NRG1: variants seen among roughly 807,000 people sequenced by gnomAD.
The protein encoded by NRG1 is pro-neuregulin-1, membrane-bound isoform.
Under a neutral mutation model 63.8 loss-of-function variants are expected in NRG1, and 18 were observed. That is an observed-to-expected ratio of 0.28 (90% confidence interval 0.19 to 0.42). The LOEUF is 0.42. Ranked by LOEUF, NRG1 falls within the 10% of genes least tolerant of loss-of-function variation. The pLI is 1.00. For synonymous variants in NRG1, 302 were observed against 301.3 expected (o/e 1.00, Z -0.02); for missense variants, 762 against 814.7 (o/e 0.94, Z 0.79).
At chr8:31,883,181 G>T (rs755088387) in intron 1 of NRG1, among the ~76,000 whole-genome samples, 3 of 152,100 alleles carry the variant, frequency 2.0e-5, no homozygotes, top group Non-Finnish European at 4.4e-5. Context: ...TGATCAGTCA[G>T]CAGCCATCAA....
chr8:31,859,712 T>C (rs1828291676), intron 1 of NRG1, among the ~76,000 whole-genome samples: 1 of 152,212 alleles, frequency 6.6e-6, no homozygotes. Flanking sequence ...AAAAGCAAAG[T>C]GGTTCCTTAT....
chr8:32,579,914 T>C (rs1840340749), intron 1 of NRG1, among the ~76,000 whole-genome samples: 1 of 152,188 alleles, frequency 6.6e-6, no homozygotes, highest in Non-Finnish European at 1.5e-5. Context: ...TTTCGGCTTC[T>C]AGAGGGGCTT....
At chr8:32,580,595 G>A (rs1437971762) in intron 1 of NRG1, among the ~76,000 whole-genome samples, 1 of 152,092 alleles carries the variant, frequency 6.6e-6, no homozygotes, top group Non-Finnish European at 1.5e-5. Flanking sequence ...TGTAAAATGA[G>A]GCTTAGAGAA....
intron 1 of NRG1, among the ~76,000 whole-genome samples, chr8:32,340,559 A>G (rs536918332): frequency 6.6e-6 from 1 of 152,336 alleles, no homozygotes; most frequent in South Asian, 2.1e-4. Context: ...AAAGGAATTT[A>G]TACATACCAT....
chr8:31,853,738 G>A (rs1200636346), intron 1 of NRG1, among the ~76,000 whole-genome samples: 1 of 151,538 alleles, frequency 6.6e-6, no homozygotes, highest in Non-Finnish European at 1.5e-5. Context: ...GTATGATATT[G>A]GCTGTGGGTT....
Position 32,646,171 on chromosome 8 carries a change from T to C in NRG1, c.502+29286T>C, listed in dbSNP as rs1487753326. Among the ~76,000 whole-genome samples, 10 of 152,094 alleles carry C rather than the reference T, an allele frequency of 6.6e-5. 1 individual carries two copies. The East Asian group carries it at 1.4e-3, about 21-fold the overall frequency. On this transcript the variant is annotated intron_variant, in intron 5 of 11. Coordinates refer to ENST00000356819, the Ensembl canonical transcript of NRG1. The stretch of plus-strand genomic sequence containing the variant: ...CATTATTAGTCTTCTTTGGGTGAGA[T>C]AGAATAAATGGAAATTCAAAGGGGA...
chr8:32,053,119 T>A (rs1422967830), intron 1 of NRG1, among the ~76,000 whole-genome samples: 1 of 152,278 alleles, frequency 6.6e-6, no homozygotes, highest in East Asian at 1.9e-4. Flanking sequence ...AAGAACTGAT[T>A]GATGCAGATC....
At chr8:32,334,752 T>G (rs1803047996) in intron 1 of NRG1, among the ~76,000 whole-genome samples, 1 of 152,208 alleles carries the variant, frequency 6.6e-6, no homozygotes, top group Non-Finnish European at 1.5e-5. Flanking sequence ...TTGAAATTGG[T>G]TATTAATGTT....
At chr8:32,463,055 C>T (rs1420675615) in intron 1 of NRG1, among the ~76,000 whole-genome samples, 1 of 150,692 alleles carries the variant, frequency 6.6e-6, no homozygotes, top group Admixed American at 6.6e-5. Flanking sequence ...TAAGTAAGAT[C>T]GTGCAGTAGT....
intron 1 of NRG1, among the ~76,000 whole-genome samples, chr8:31,897,508 C>T (rs888603810): frequency 6.6e-6 from 1 of 152,044 alleles, no homozygotes; most frequent in African/African-American, 2.4e-5. Context: ...GAAGAGAATC[C>T]CTTTCCTTTT....
chr8:32,581,947 T>C (rs1057063996), intron 1 of NRG1, among the ~76,000 whole-genome samples: 5 of 152,198 alleles, frequency 3.3e-5, no homozygotes, highest in African/African-American at 1.2e-4. Context: ...ATGAAAGTGC[T>C]TTGTAAACAG....
intron 1 of NRG1, among the ~76,000 whole-genome samples, chr8:32,540,961 A>G (rs1245490836): frequency 6.6e-6 from 1 of 152,228 alleles, no homozygotes; most frequent in Non-Finnish European, 1.5e-5. Context: ...GTTCTGCTAA[A>G]TCATCTTTAA....
intron 1 of NRG1, among the ~76,000 whole-genome samples, chr8:31,920,046 G>C (rs1384588992): frequency 6.6e-6 from 1 of 152,048 alleles, no homozygotes; most frequent in East Asian, 1.9e-4. Context: ...ATATACACAG[G>C]CCTAGTTATT....
At chr8:31,662,198 C>T (rs1157235618) in intron 1 of NRG1, among the ~76,000 whole-genome samples, 1 of 152,140 alleles carries the variant, frequency 6.6e-6, no homozygotes, top group East Asian at 1.9e-4. Flanking sequence ...AATTTGTGGG[C>T]ATGGAGGAGG....
chr8:31,910,830 G>C (rs1320894795), intron 1 of NRG1, among the ~76,000 whole-genome samples: 2 of 152,200 alleles, frequency 1.3e-5, no homozygotes, highest in South Asian at 2.1e-4. Flanking sequence ...GGAAGAGCAA[G>C]AGTGTGGAGT....
intron 1 of NRG1, among the ~76,000 whole-genome samples, chr8:32,139,634 G>A (rs1233893231): frequency 1.3e-5 from 2 of 152,138 alleles, no homozygotes; most frequent in Non-Finnish European, 1.5e-5. Context: ...GTATACACAC[G>A]TGTACCTTTA....
intron 5 of NRG1, among the ~76,000 whole-genome samples, chr8:32,704,766 C>T (rs564116360): frequency 6.6e-6 from 1 of 152,106 alleles, no homozygotes; most frequent in Non-Finnish European, 1.5e-5. Context: ...ATGTAATGTT[C>T]CTCAAGTCAT....
chr8:32,682,654 T>C (rs1808993065), intron 5 of NRG1, among the ~76,000 whole-genome samples: 1 of 152,174 alleles, frequency 6.6e-6, no homozygotes, highest in Non-Finnish European at 1.5e-5. Context: ...ATATCCCAAG[T>C]GTATACTGCT....
At chr8:32,714,493 C>G (rs539458012) in intron 5 of NRG1, among the ~76,000 whole-genome samples, 3 of 152,188 alleles carry the variant, frequency 2.0e-5, no homozygotes, top group African/African-American at 7.2e-5. Context: ...AGATTGAAAA[C>G]AAGCAAGCAA....
Sources: allele counts gnomAD v4.1 joint callset (sites outside exome capture counted in the v4.1 genomes callset), GRCh38; gene constraint gnomAD v4.1.1; transcripts MANE v1.5; gene names NCBI Gene and HGNC (gene_info 2026-07-23, HGNC 2026-07-21).